COMT: variants seen among roughly 807,000 people sequenced by gnomAD.
The protein encoded by COMT is catechol-O-methyltransferase.
A neutral mutation model predicts 18.9 loss-of-function variants in COMT; 13 were observed. The ratio of observed to expected loss-of-function variants is 0.69; its 90% CI spans 0.45 to 1.09. The LOEUF is 1.09. Among genes scored for constraint, COMT ranks in the 50% least tolerant of loss-of-function variants. The probability of loss-of-function intolerance (pLI) is 0.00; values close to 1 mark genes in which losing one functional copy is unlikely to be tolerated. For synonymous variants in COMT, 150 were observed against 160.9 expected, an observed-to-expected ratio of 0.93 and a Z score of 0.51; for missense variants, 329 against 361.8, an observed-to-expected ratio of 0.91 and a Z score of 0.73.
intron 1 of COMT, among the ~76,000 whole-genome samples, chr22:19,944,939 A>G (rs146908456): frequency 0.011 from 1,700 of 152,200 alleles, 22 homozygotes; most frequent in African/African-American, 0.038. Flanking sequence ...CTCTTTACAA[A>G]CCCTTCCCTT....
At chr22:19,947,031 T>A (rs141796830) in intron 1 of COMT, among the ~76,000 whole-genome samples, 2,982 of 147,958 alleles carry the variant, frequency 0.02, 39 homozygotes, top group African/African-American at 0.037. Flanking sequence ...TTCTCCTGCC[T>A]CAGCCCCCCA....
intron 2 of COMT, 157 bp from the exon 3 acceptor site, chr22:19,962,370 C>A: frequency 3.0e-6 from 4 of 1,344,662 alleles, no homozygotes; most frequent in Non-Finnish European, 4.0e-6. Context: ...GGCTCCCTGG[C>A]GCTGACACGT....
intron 5 of COMT, among the ~76,000 whole-genome samples, chr22:19,966,171 A>T (rs991134229): frequency 7.9e-5 from 12 of 152,230 alleles, no homozygotes; most frequent in Non-Finnish European, 1.5e-4. Flanking sequence ...TGAATTGGGA[A>T]TGGGTGTCCT....
rs941931675 is a variant in COMT at position 19,941,810 on chromosome 22, G to C, written c.-179G>C. Reference sequence around the variant, plus strand: ...CCACCGCCATTGCCGCCATCGTCGTGGGGCTTCTGGGGCAGCTAGGGCTGC... The same window carrying C: ...CCACCGCCATTGCCGCCATCGTCGTCGGGCTTCTGGGGCAGCTAGGGCTGC... On this transcript the variant is annotated 5_prime_UTR_variant, in exon 1 of 6. Transcript: ENST00000361682. The C allele has an allele frequency of 2.0e-6, 3 of 1,530,230 alleles. No individual in the cohort carries two copies. Among genetic ancestry groups the C allele is most frequent in the Non-Finnish European group, 2.6e-6 (3 of 1,149,462 alleles). The allele number at this position is 1,530,230 out of a possible 1,614,324, so 94.8% of individuals were successfully genotyped here. A position where few individuals can be genotyped will look rare whatever the true frequency, so the allele number is the denominator to read the frequency against.
At chr22:19,951,557 T>G (rs1023921815) in intron 1 of COMT, 1 of 152,172 alleles carries the variant, frequency 6.6e-6, no homozygotes, top group Non-Finnish European at 1.5e-5. Flanking sequence ...CACTGTGTGC[T>G]CCGGTTGTTG....
intron 5 of COMT, among the ~76,000 whole-genome samples, chr22:19,966,308 G>T (rs901831652): frequency 2.0e-5 from 3 of 151,988 alleles, no homozygotes; most frequent in Non-Finnish European, 2.9e-5. Context: ...TCGGAGGCAC[G>T]AGGGGTGAGG....
At chr22:19,958,272 C>T (rs1022989484) in intron 1 of COMT, among the ~76,000 whole-genome samples, 24 of 151,590 alleles carry the variant, frequency 1.6e-4, no homozygotes, top group African/African-American at 5.8e-4. Context: ...TCAGGTGATC[C>T]TCCCGCCTCA....
chr22:19,943,781 G>T (rs1456954942), intron 1 of COMT, among the ~76,000 whole-genome samples: 6 of 152,228 alleles, frequency 3.9e-5, no homozygotes, highest in Admixed American at 3.9e-4. Context: ...CCCTAACAAG[G>T]CCAGCAGGGG....
In COMT at chr22:19,963,748, G is replaced by A. The variant is rs4680; in HGVS notation, c.472G>A (p.Val158Met). Reference protein sequence around the residue: ...ITQRMVDFAGVKDKVTLVVGA... With the variant: ...ITQRMVDFAGMKDKVTLVVGA... ...CCAGCGGATGGTGGATTTCGCTGGCGTGAAGGACAAGGTGTGCATGCCTGA... is the reference window on the plus strand; with the variant it reads ...CCAGCGGATGGTGGATTTCGCTGGCATGAAGGACAAGGTGTGCATGCCTGA... The change falls in exon 4 of 6, where the codon GTG becomes ATG. Residue 158 changes from valine to methionine, a missense_variant. Physicochemically the swap from Val to Met is conservative, Grantham distance 21. Transcript: ENST00000361682. The A allele has an allele frequency of 0.49, 790,010 of 1,610,688 alleles. 197,380 individuals are homozygous for A. Among genetic ancestry groups the A allele is most frequent in the Non-Finnish European group, 0.52 (609,120 of 1,179,530 alleles).
intron 1 of COMT, among the ~76,000 whole-genome samples, chr22:19,958,785 G>A (rs116375524): frequency 1.3e-5 from 2 of 151,386 alleles, no homozygotes; most frequent in Non-Finnish European, 2.9e-5. Context: ...CAGCTACTTG[G>A]GGGGGCTGAG....
At chr22:19,966,899 A>G (rs1285231893) in intron 5 of COMT, 2 of 972,782 alleles carry the variant, frequency 2.1e-6, no homozygotes, top group African/African-American at 3.5e-5. Flanking sequence ...ACCTCAGCAT[A>G]GTGTCACCTG....
chr22:19,962,674 C>T lies in COMT; in HGVS notation c.148C>T (p.Leu50Phe), dbSNP rs2146165053. The T allele has an allele frequency of 6.2e-7, 1 of 1,613,256 alleles. No individual in the cohort carries two copies. The highest frequency in any genetic ancestry group is 2.2e-5 in the East Asian group (1 of 44,878). Residue 50 changes from leucine to phenylalanine, a missense_variant, in exon 3 of 6, where the codon CTC becomes TTC. By Grantham distance (22) the Leu-to-Phe change is conservative. Coordinates refer to ENST00000361682, the MANE Select transcript of COMT (RefSeq NM_000754.4). ...EFILQPIHNL[L>F]MGDTKEQRIL... ...CATCCTGCAGCCCATCCACAACCTG[C>T]TCATGGGTGACACCAAGGAGCAGCG...
chr22:19,942,375 G>A (rs1941751072), intron 1 of COMT, among the ~76,000 whole-genome samples: 1 of 152,094 alleles, frequency 6.6e-6, no homozygotes, highest in African/African-American at 2.4e-5. Context: ...CAGACTCAGA[G>A]GGCCTTGGTG....
chr22:19,949,559 G>C (rs188233565), intron 1 of COMT, among the ~76,000 whole-genome samples: 146 of 151,494 alleles, frequency 9.6e-4, no homozygotes, highest in Middle Eastern at 3.4e-3. Flanking sequence ...TAGGAGTTTT[G>C]TTTTCATATA....
At chr22:19,953,844 G>A (rs1178490595) in intron 1 of COMT, among the ~76,000 whole-genome samples, 3 of 152,098 alleles carry the variant, frequency 2.0e-5, no homozygotes, top group Admixed American at 1.3e-4. Flanking sequence ...CCTGCCACAT[G>A]AGCAGGTTGA....
chr22:19,964,097 C>G, intron 4 of COMT, 71 bp from the exon 5 acceptor site: 1 of 1,612,986 alleles, frequency 6.2e-7, no homozygotes, highest in Non-Finnish European at 8.5e-7. Context: ...CACTGACAGG[C>G]GCTGTTGTAT....
intron 3 of COMT, 165 bp downstream of exon 3, chr22:19,962,980 G>A (rs1410677260): frequency 2.4e-6 from 2 of 834,546 alleles, no homozygotes; most frequent in South Asian, 1.9e-5. Context: ...AGGGTGCCAG[G>A]GTCCCTGATG....
chr22:19,953,203 C>T (rs866875241), intron 1 of COMT, among the ~76,000 whole-genome samples: 7 of 152,226 alleles, frequency 4.6e-5, no homozygotes, highest in South Asian at 4.1e-4. Context: ...TTGAGGAGAG[C>T]AATGAGGAGG....
chr22:19,953,708 A>G (rs1941998487), intron 1 of COMT, among the ~76,000 whole-genome samples: 1 of 152,050 alleles, frequency 6.6e-6, no homozygotes, highest in Non-Finnish European at 1.5e-5. Context: ...CCCACTAGGC[A>G]TGTCCAGGCC....
Sources: gnomAD v4.1 joint callset for allele counts (sites outside exome capture counted in the v4.1 genomes callset) on GRCh38, gnomAD v4.1.1 for gene constraint, MANE v1.5 for transcripts, NCBI Gene and HGNC (gene_info 2026-07-23, HGNC 2026-07-21) for gene names.